The following AGAP1 variants were observed in gnomAD, a reference collection of about 807,000 sequenced individuals.
The protein encoded by AGAP1 is ArfGAP with GTPase domain, ankyrin repeat and PH domain 1.
In AGAP1, 29 loss-of-function variants were observed where a neutral mutation model predicts 105.3. The observed-to-expected ratio is 0.28, with a 90% CI of 0.21 to 0.38. The LOEUF is 0.38. Ranked by LOEUF, AGAP1 falls within the 10% of genes least tolerant of loss-of-function variation. The pLI, the probability that AGAP1 is intolerant of heterozygous loss-of-function variation, is 1.00. For missense variants in AGAP1, 998 were observed against 1,165.1 expected (o/e 0.86, Z 2.09); for synonymous variants, 509 against 485.9 (o/e 1.05, Z -0.63).
intron 1 of AGAP1, among the ~76,000 whole-genome samples, chr2:235,591,162 C>T (rs1051873101): frequency 2.0e-5 from 3 of 152,016 alleles, no homozygotes; most frequent in East Asian, 1.9e-4. Flanking sequence ...ATTACAGGCA[C>T]CCACCAGCAT....
Position 235,872,843 on chromosome 2 carries a change from C to T in AGAP1, c.1051-10502C>T, listed in dbSNP as rs748561084. Among the ~76,000 whole-genome samples, 75 of 152,178 alleles carry T rather than the reference C, an allele frequency of 4.9e-4. 1 individual carries two copies. The highest frequency in any genetic ancestry group is 1.5e-3 in the African/African-American group (63 of 41,438). On this transcript the variant is annotated intron_variant, in intron 9 of 17. Coordinates refer to ENST00000304032, the MANE Select transcript of AGAP1 (RefSeq NM_001037131.3). This position sits in a 1 kb window ranked among gnomAD's most constrained non-coding sequence, Gnocchi z 4.5. Reference sequence around the variant, plus strand: ...TGTGTTCAGAGGGGCGTCCCATGGTCGAACTGGAACTTGCTTTGGGAAGAG... The same window carrying T: ...TGTGTTCAGAGGGGCGTCCCATGGTTGAACTGGAACTTGCTTTGGGAAGAG...
In AGAP1 at chr2:235,891,139, C is replaced by G. The variant is rs1376408602; in HGVS notation, c.1155+7690C>G. 2.0e-5 allele frequency among the ~76,000 whole-genome samples: 3 copies of G among 152,130 alleles called. No individual in the cohort carries two copies. The highest frequency in any genetic ancestry group is 1.3e-4 in the Admixed American group (2 of 15,272). Reference sequence around the variant, plus strand: ...GGTGCAGGACTTTCATAGCTAACATCAGGGAAGTCCCAGGCAATCTGGGAC... The same window carrying G: ...GGTGCAGGACTTTCATAGCTAACATGAGGGAAGTCCCAGGCAATCTGGGAC... On this transcript the variant is annotated intron_variant, in intron 10 of 17. Coordinates refer to ENST00000304032, the MANE Select transcript of AGAP1 (RefSeq NM_001037131.3). The surrounding 1 kb of genome is among the most constrained non-coding windows in gnomAD (Gnocchi z 4.2).
Position 235,622,754 on chromosome 2 carries a change from C to G in AGAP1, c.164-86425C>G, listed in dbSNP as rs752877733. 6.6e-6 allele frequency among the ~76,000 whole-genome samples: 1 copy of G among 152,080 alleles called. No individual in the cohort carries two copies. The highest frequency in any genetic ancestry group is 1.5e-5 in the Non-Finnish European group (1 of 68,034). ...GCGCGCTCACGTATGCCAGACTCTT[C>G]TTAGCGCTAAGCCATTTTCCCAGGC... On this transcript the variant is annotated intron_variant, in intron 1 of 17. Coordinates refer to ENST00000304032, the MANE Select transcript of AGAP1 (RefSeq NM_001037131.3). The surrounding 1 kb of genome is among the most constrained non-coding windows in gnomAD (Gnocchi z 5.0).
At chr2:235,540,752 G>A (rs1241921288) in intron 1 of AGAP1, among the ~76,000 whole-genome samples, 1 of 152,150 alleles carries the variant, frequency 6.6e-6, no homozygotes, top group Non-Finnish European at 1.5e-5. Flanking sequence ...GGATAGGGGC[G>A]GGACGTGCAC....
intron 9 of AGAP1, among the ~76,000 whole-genome samples, chr2:235,816,437 CAAAA>C (rs79795818): frequency 4.1e-5 from 4 of 97,918 alleles, no homozygotes; most frequent in Admixed American, 1.1e-4. Flanking sequence ...GACTCCGTCT[CAAAA>C]AAAAAAAAAA....
At chr2:235,818,673 C>A (rs1419264547) in intron 9 of AGAP1, among the ~76,000 whole-genome samples, 5 of 152,016 alleles carry the variant, frequency 3.3e-5, no homozygotes, top group African/African-American at 1.2e-4. Flanking sequence ...GAACTCCTGA[C>A]CTCAAGCAAT....
chr2:235,884,231 T>G (rs1212173679), intron 10 of AGAP1, among the ~76,000 whole-genome samples: 1 of 152,158 alleles, frequency 6.6e-6, no homozygotes, highest in South Asian at 2.1e-4. Context: ...GGGGATGGAT[T>G]CTGGGATCTG....
chr2:236,102,273 C>G (rs1212529735), intron 16 of AGAP1, among the ~76,000 whole-genome samples: 1 of 151,732 alleles, frequency 6.6e-6, no homozygotes, highest in East Asian at 1.9e-4. Flanking sequence ...AAAAATTAGC[C>G]GGGCGTGGTG....
chr2:235,863,312 A>G (rs1288832689), intron 9 of AGAP1, among the ~76,000 whole-genome samples: 1 of 152,272 alleles, frequency 6.6e-6, no homozygotes, highest in Admixed American at 6.5e-5. Flanking sequence ...AGAAAAAGTA[A>G]GAAGAAATAA....
intron 16 of AGAP1, among the ~76,000 whole-genome samples, chr2:236,069,056 G>T (rs1180830623): frequency 6.6e-6 from 1 of 151,698 alleles, no homozygotes; most frequent in Admixed American, 6.6e-5. Context: ...GAACCCGCGA[G>T]GTGAAGGTTG....
rs1004644998 is a variant in AGAP1 at position 236,062,140 on chromosome 2, A to G, written c.2114+12859A>G. Among the ~76,000 whole-genome samples the G allele has an allele frequency of 4.6e-5, 7 of 152,312 alleles. No homozygotes were observed. In the East Asian group the frequency reaches 1.4e-3, roughly 29 times the overall value. ...CAGGTGGAAGGTGGTGCCTATGTCC[A>G]GGGGAGCAAGTGAGCCTGAATCAGC... On this transcript the variant is annotated intron_variant, in intron 16 of 17. Coordinates refer to ENST00000304032, the MANE Select transcript of AGAP1 (RefSeq NM_001037131.3). This position sits in a 1 kb window ranked among gnomAD's most constrained non-coding sequence, Gnocchi z 4.2.
chr2:235,929,466 G>A (rs1427601898), intron 11 of AGAP1, among the ~76,000 whole-genome samples: 1 of 152,126 alleles, frequency 6.6e-6, no homozygotes, highest in Non-Finnish European at 1.5e-5. Context: ...CGTTCAGAAT[G>A]TACTCAGTTC....
Position 235,764,527 on chromosome 2 carries a change from G to A in AGAP1, c.673+14039G>A, listed in dbSNP as rs996461569. Among the ~76,000 whole-genome samples the A allele has an allele frequency of 3.9e-5, 6 of 152,310 alleles. No individual in the cohort carries two copies. In the East Asian group the frequency reaches 5.8e-4, roughly 15 times the overall value. ...CCATGTTTGAAATATCAGGATTTCA[G>A]AACTCAGTCACTGACAGGTCACTGC... On this transcript the variant is annotated intron_variant, in intron 6 of 17. Coordinates refer to ENST00000304032, the MANE Select transcript of AGAP1 (RefSeq NM_001037131.3).
At position 235,600,090 on chromosome 2, in the gene AGAP1, A is replaced by T. The variant is rs113840259; in HGVS notation, c.163+105241A>T. Reference sequence around the variant, plus strand: ...TCCAGGGAGCCCCTCTCTCCATCCCAGCCTTTCTTCCTCTCTCGTAACTGT... The same window carrying T: ...TCCAGGGAGCCCCTCTCTCCATCCCTGCCTTTCTTCCTCTCTCGTAACTGT... On this transcript the variant is annotated intron_variant, in intron 1 of 17. Coordinates refer to ENST00000304032, the MANE Select transcript of AGAP1 (RefSeq NM_001037131.3). The surrounding 1 kb of genome is among the most constrained non-coding windows in gnomAD (Gnocchi z 4.8). Among the ~76,000 whole-genome samples the T allele has an allele frequency of 2.1e-3, 322 of 152,220 alleles. 1 individual carries two copies. The highest frequency in any genetic ancestry group is 7.2e-3 in the African/African-American group (300 of 41,534).
At chr2:236,064,190 C>G (rs931290215) in intron 16 of AGAP1, among the ~76,000 whole-genome samples, 1 of 152,140 alleles carries the variant, frequency 6.6e-6, no homozygotes, top group East Asian at 1.9e-4. Context: ...ACCTGTCACC[C>G]AGAGACTCCT....
chr2:235,724,085 TC>T lies in AGAP1; in HGVS notation c.310+6444del, dbSNP rs1456996844. ...GATGTGGGAGCGTTGGCCCTGGCAT[TC>T]CCGGGTCTTCATGAGCTTAATTCAG... On this transcript the variant is annotated intron_variant, in intron 3 of 17. Coordinates refer to ENST00000304032, the MANE Select transcript of AGAP1 (RefSeq NM_001037131.3). The surrounding 1 kb of genome is among the most constrained non-coding windows in gnomAD (Gnocchi z 4.9). 6.6e-6 allele frequency among the ~76,000 whole-genome samples: 1 copy of T among 152,168 alleles called. No homozygotes were observed. The highest frequency in any genetic ancestry group is 2.4e-5 in the African/African-American group (1 of 41,436).
intron 1 of AGAP1, among the ~76,000 whole-genome samples, chr2:235,541,895 G>A (rs561626276): frequency 1.3e-5 from 2 of 152,072 alleles, no homozygotes; most frequent in Admixed American, 6.5e-5. Context: ...AATGCACGTC[G>A]CTATAGTTCA....
At chr2:235,680,390 AG>A (rs1948999555) in intron 1 of AGAP1, among the ~76,000 whole-genome samples, 1 of 152,102 alleles carries the variant, frequency 6.6e-6, no homozygotes, top group African/African-American at 2.4e-5. Flanking sequence ...CAGAGGGGTC[AG>A]GGGCCCTGCA....
chr2:235,944,135 G>T (rs1404865815), intron 12 of AGAP1, among the ~76,000 whole-genome samples: 4 of 152,096 alleles, frequency 2.6e-5, no homozygotes, highest in Admixed American at 1.3e-4. Flanking sequence ...TATAGTTGCA[G>T]GGAAATATTT....
Sources: gnomAD v4.1 joint callset for allele counts (sites outside exome capture counted in the v4.1 genomes callset) on GRCh38, gnomAD v4.1.1 for gene constraint, Gnocchi (gnomAD v3.1) non-coding constraint, MANE v1.5 for transcripts, NCBI Gene and HGNC (gene_info 2026-07-23, HGNC 2026-07-21) for gene names.